ROBO2: variants seen among roughly 807,000 people sequenced by gnomAD.
ROBO2 encodes roundabout homolog 2.
Under a neutral mutation model 160.8 loss-of-function variants are expected in ROBO2, and 53 were observed. The observed-to-expected ratio is 0.33, with a 90% CI of 0.26 to 0.41. The LOEUF (loss-of-function observed/expected upper bound fraction) is 0.41. Ranked by LOEUF, ROBO2 falls within the 10% of genes least tolerant of loss-of-function variation. The pLI is 1.00. For missense variants in ROBO2, 1,577 were observed against 1,722.4 expected (o/e 0.92, Z 1.49); for synonymous variants, 664 against 611.7 (o/e 1.09, Z -1.26).
At chr3:76,802,139 A>C (rs1421683027) in intron 2 of ROBO2, among the ~76,000 whole-genome samples, 1 of 152,192 alleles carries the variant, frequency 6.6e-6, no homozygotes, top group East Asian at 1.9e-4. Context: ...GGGAATTATC[A>C]AAATATGACA....
intron 2 of ROBO2, among the ~76,000 whole-genome samples, chr3:77,339,964 T>C (rs1213634437): frequency 1.3e-5 from 2 of 152,112 alleles, no homozygotes; most frequent in Non-Finnish European, 2.9e-5. Flanking sequence ...GCAAATGAGA[T>C]GCCCCAAGTT....
chr3:76,626,753 C>T (rs909757147), intron 2 of ROBO2, among the ~76,000 whole-genome samples: 8 of 151,752 alleles, frequency 5.3e-5, no homozygotes, highest in Non-Finnish European at 1.0e-4. Flanking sequence ...AGTGCAGTGG[C>T]GTGATCTCTG....
exon 8 of ROBO2, chr3:77,550,841 C>G (rs1275023895): frequency 1.2e-6 from 2 of 1,612,808 alleles, no homozygotes; most frequent in African/African-American, 2.7e-5. Context: ...CAAACCAACC[C>G]CAGCAGCCCA....
At chr3:76,744,763 C>T (rs2093857977) in intron 2 of ROBO2, among the ~76,000 whole-genome samples, 1 of 100,624 alleles carries the variant, frequency 9.9e-6, no homozygotes, top group African/African-American at 4.5e-5. Context: ...AAAAAATCTA[C>T]TAAAAACTCA....
At chr3:77,618,509 A>C (rs749888777) in intron 22 of ROBO2, among the ~76,000 whole-genome samples, 1 of 152,100 alleles carries the variant, frequency 6.6e-6, no homozygotes, top group Non-Finnish European at 1.5e-5. Flanking sequence ...TTTAATTTTC[A>C]AAAGCCCAGG....
chr3:77,004,974 A>G (rs1338667331), intron 2 of ROBO2, among the ~76,000 whole-genome samples: 1 of 152,044 alleles, frequency 6.6e-6, no homozygotes, highest in South Asian at 2.1e-4. Flanking sequence ...TCCTTTTCTC[A>G]TCCCTCTTCT....
chr3:77,087,694 A>G (rs1181572101), intron 1 of ROBO2, among the ~76,000 whole-genome samples: 2 of 152,010 alleles, frequency 1.3e-5, no homozygotes, highest in Non-Finnish European at 2.9e-5. Context: ...GTGTGTGTAT[A>G]TACAGATATA....
At chr3:77,033,941 G>A (rs539332884) in intron 2 of ROBO2, among the ~76,000 whole-genome samples, 7 of 151,964 alleles carry the variant, frequency 4.6e-5, no homozygotes, top group East Asian at 1.9e-4. Flanking sequence ...ATCCAGTGAC[G>A]TGAGGGGTTC....
At chr3:75,998,122 T>C (rs2065784729) in intron 2 of ROBO2, among the ~76,000 whole-genome samples, 1 of 152,200 alleles carries the variant, frequency 6.6e-6, no homozygotes, top group South Asian at 2.1e-4. Flanking sequence ...CTACATAAAA[T>C]GTATTGAATT....
chr3:77,105,904 A>T (rs1303056349), intron 2 of ROBO2, among the ~76,000 whole-genome samples: 1 of 152,228 alleles, frequency 6.6e-6, no homozygotes, highest in Non-Finnish European at 1.5e-5. Context: ...TGACAAGGAA[A>T]CATATTCATA....
chr3:75,970,914 T>G (rs559250636), intron 2 of ROBO2, among the ~76,000 whole-genome samples: 5 of 151,440 alleles, frequency 3.3e-5, no homozygotes, highest in African/African-American at 1.2e-4. Context: ...AATAAATAAT[T>G]TATTTTTGAA....
At chr3:77,582,989 G>T (rs908880194) in intron 16 of ROBO2, among the ~76,000 whole-genome samples, 5 of 150,912 alleles carry the variant, frequency 3.3e-5, no homozygotes, top group African/African-American at 1.2e-4. Flanking sequence ...AAATACAAAA[G>T]AAATTAGCCG....
chr3:76,707,199 C>A (rs951730300), intron 2 of ROBO2, among the ~76,000 whole-genome samples: 1 of 151,988 alleles, frequency 6.6e-6, no homozygotes, highest in Non-Finnish European at 1.5e-5. Context: ...AACTTTTCCC[C>A]TCTGATTCCC....
At chr3:76,294,334 G>C (rs987463010) in intron 2 of ROBO2, among the ~76,000 whole-genome samples, 2 of 152,132 alleles carry the variant, frequency 1.3e-5, no homozygotes, top group Non-Finnish European at 2.9e-5. Context: ...CCTATTCTCA[G>C]CTCCGGCTCA....
Position 77,255,958 on chromosome 3 carries a change from C to T in ROBO2, c.388+157618C>T, listed in dbSNP as rs149787707. 5.3e-5 allele frequency among the ~76,000 whole-genome samples: 8 copies of T among 152,184 alleles called. No homozygotes were observed. In the East Asian group the frequency reaches 5.8e-4, roughly 11 times the overall value. On this transcript the variant is annotated intron_variant, in intron 2 of 25. Transcript: ENST00000461745. ...TGTCTAGAGCTTAATGGGTTACTTC[C>T]GCTTATACACCAGTTGTGCTTTCAA...
intron 1 of ROBO2, among the ~76,000 whole-genome samples, chr3:75,920,116 A>T (rs1437713285): frequency 6.6e-6 from 1 of 151,812 alleles, no homozygotes; most frequent in Non-Finnish European, 1.5e-5. Flanking sequence ...TTTGATTGCG[A>T]TGTTAGGGTG....
At chr3:75,928,870 G>A (rs1243286092) in intron 1 of ROBO2, among the ~76,000 whole-genome samples, 2 of 137,082 alleles carry the variant, frequency 1.5e-5, no homozygotes, top group Admixed American at 7.7e-5. Context: ...ACGTGTGTGT[G>A]TGTGTGTGTG....
At chr3:76,735,439 G>T (rs936938388) in intron 2 of ROBO2, among the ~76,000 whole-genome samples, 11 of 152,136 alleles carry the variant, frequency 7.2e-5, no homozygotes, top group African/African-American at 2.7e-4. Context: ...ATTATTTAGA[G>T]GGGGAGGAAG....
chr3:76,973,488 T>C (rs996346795), intron 2 of ROBO2, among the ~76,000 whole-genome samples: 2 of 152,058 alleles, frequency 1.3e-5, no homozygotes, highest in African/African-American at 4.8e-5. Context: ...AATATTCATA[T>C]CATTATTATT....
Sources: allele counts gnomAD v4.1 joint callset (sites outside exome capture counted in the v4.1 genomes callset), GRCh38; gene constraint gnomAD v4.1.1; transcripts MANE v1.5; gene names NCBI Gene and HGNC (gene_info 2026-07-23, HGNC 2026-07-21).